ADH1C: variants seen among roughly 807,000 people sequenced by gnomAD.
ADH1C encodes alcohol dehydrogenase 1C.
ADH1C carries 26 observed loss-of-function variants against 35.0 expected under a neutral mutation model. The observed-to-expected ratio is 0.74, with a 90% CI of 0.54 to 1.03. The LOEUF (loss-of-function observed/expected upper bound fraction) is 1.03, where lower values mean the gene tolerates loss of function less well. ADH1C is among the 50% of genes least tolerant of loss of function. The probability of loss-of-function intolerance (pLI) is 0.00; values close to 1 mark genes in which losing one functional copy is unlikely to be tolerated. For synonymous variants in ADH1C, 170 were observed against 169.3 expected, an observed-to-expected ratio of 1.00 and a Z score of -0.03; for missense variants, 413 against 465.4, an observed-to-expected ratio of 0.89 and a Z score of 1.04.
Position 99,345,186 on chromosome 4 carries a change from T to C in ADH1C, c.340A>G (p.Lys114Glu). The C allele has an allele frequency of 6.2e-7, 1 of 1,614,006 alleles. No homozygotes were observed. Among genetic ancestry groups the C allele is most frequent in the Non-Finnish European group, 8.5e-7 (1 of 1,179,896 alleles). ...AAAGCATCAGAAACTTACTCATTTT[T>C]CAAGCAGTAGTTGCTTTCTGGGTTT... ...CKNPESNYCL[K>E]NDLGNPRGTL... Residue 114 changes from lysine (K) to glutamate (E), a missense_variant, in exon 4 of 9, where the codon AAA (lysine) becomes GAA (glutamate). Transcript: ENST00000515683.
chr4:99,342,118 A>G (rs1734430612), intron 6 of ADH1C, among the ~76,000 whole-genome samples: 1 of 152,234 alleles, frequency 6.6e-6, no homozygotes. Context: ...AAAGTATTTT[A>G]CATGCATTGT....
chr4:99,346,750 T>C (rs1200300452), intron 3 of ADH1C, among the ~76,000 whole-genome samples: 3 of 152,152 alleles, frequency 2.0e-5, no homozygotes, highest in Non-Finnish European at 4.4e-5. Flanking sequence ...GATCCTCATA[T>C]ATCTCCAGGC....
chr4:99,345,099 A>C lies in ADH1C; in HGVS notation c.348-18T>G, dbSNP rs79813519. ...TGCCTAGACTGGGCAGTGCAATACA[A>C]AGACACACAAAGGCATGAGACAGGA... is the stretch of plus-strand genomic sequence containing the variant. On this transcript the variant is annotated intron_variant, in intron 4 of 8. Coordinates refer to ENST00000515683, the MANE Select transcript of ADH1C (RefSeq NM_000669.5). 1.9e-5 allele frequency: 31 copies of C among 1,614,052 alleles called. No individual in the cohort carries two copies. Among genetic ancestry groups the C allele is most frequent in the South Asian group, 5.5e-5 (5 of 91,086 alleles).
In ADH1C at chr4:99,343,059, T is replaced by C. The variant is rs528054596; in HGVS notation, c.568-4A>G. ...CACAGGTAGACCCTGGGGTGACCTATGTTTTCAGAAAATGCAAAAATGAAT... is the reference window on the plus strand; with the variant it reads ...CACAGGTAGACCCTGGGGTGACCTACGTTTTCAGAAAATGCAAAAATGAAT... On this transcript the variant is annotated splice_region_variant and splice_polypyrimidine_tract_variant and intron_variant, in intron 5 of 8. Transcript: ENST00000515683. 1.9e-6 allele frequency: 3 copies of C among 1,606,328 alleles called. No homozygotes were observed. The highest frequency in any genetic ancestry group is 2.5e-6 in the Non-Finnish European group (3 of 1,176,976).
intron 6 of ADH1C, among the ~76,000 whole-genome samples, chr4:99,342,553 G>GT (rs1193090786): frequency 6.6e-6 from 1 of 152,084 alleles, no homozygotes; most frequent in Non-Finnish European, 1.5e-5. Context: ...TAGTGGCTGT[G>GT]TTAAAAAAAA....
chr4:99,338,919 G>GT (rs1734347956), intron 8 of ADH1C, among the ~76,000 whole-genome samples: 1 of 151,784 alleles, frequency 6.6e-6, no homozygotes, highest in South Asian at 2.1e-4. Flanking sequence ...TTAGGTGATT[G>GT]TAAGTGTAAG....
chr4:99,338,710 A>G (rs1322129031), intron 8 of ADH1C, among the ~76,000 whole-genome samples: 1 of 148,976 alleles, frequency 6.7e-6, no homozygotes, highest in African/African-American at 2.5e-5. Flanking sequence ...TCCTTCCTCA[A>G]GAATATTTGT....
chr4:99,347,218 T>C (rs1220400793), intron 2 of ADH1C, 74 bp from the exon 3 acceptor site: 1 of 1,524,936 alleles, frequency 6.6e-7, no homozygotes, highest in East Asian at 2.3e-5. Context: ...AACCCAATTT[T>C]CTAAAATTGT....
intron 6 of ADH1C, among the ~76,000 whole-genome samples, chr4:99,342,010 C>A (rs1237880679): frequency 3.6e-5 from 5 of 138,614 alleles, no homozygotes; most frequent in Non-Finnish European, 6.1e-5. Flanking sequence ...GACCCTGTCT[C>A]AAAAAAAAAA....
At chr4:99,347,968 T>C (rs1393622570) in intron 1 of ADH1C, 122 bp from the exon 2 acceptor site, 3 of 1,113,290 alleles carry the variant, frequency 2.7e-6, no homozygotes, top group Admixed American at 2.1e-5. Flanking sequence ...AAGTGTTGCA[T>C]AGAAATGAAG....
chr4:99,341,862 A>G (rs1025928668), intron 6 of ADH1C, among the ~76,000 whole-genome samples: 1 of 152,102 alleles, frequency 6.6e-6, no homozygotes, highest in African/African-American at 2.4e-5. Context: ...AATAATGCCA[A>G]CTGAGGCTCA....
chr4:99,336,575 A>G lies in ADH1C; in HGVS notation c.*177T>C. The G allele has an allele frequency of 1.2e-6, 1 of 810,932 alleles. No individual in the cohort carries two copies. The highest frequency in any genetic ancestry group is 2.0e-6 in the Non-Finnish European group (1 of 506,990). 50.2% of individuals were successfully genotyped at this position (810,932 alleles called of 1,614,324 possible). A position where few individuals can be genotyped will look rare whatever the true frequency, so the allele number is the denominator to read the frequency against. On this transcript the variant is annotated 3_prime_UTR_variant, in exon 9 of 9. Coordinates refer to ENST00000515683, the MANE Select transcript of ADH1C (RefSeq NM_000669.5). Reference sequence around the variant, plus strand: ...TTATTTAGTTCTCATTTGGATTTTAAACATTTGCTTGACAAATAATTTCCC... The same window carrying G: ...TTATTTAGTTCTCATTTGGATTTTAGACATTTGCTTGACAAATAATTTCCC...
intron 1 of ADH1C, chr4:99,351,103 T>C (rs545299017): frequency 6.6e-6 from 1 of 152,188 alleles, no homozygotes; most frequent in African/African-American, 2.4e-5. Flanking sequence ...ACCATTGCAC[T>C]CCAACCTGGG....
At chr4:99,337,452 A>G (rs1734303098) in intron 8 of ADH1C, among the ~76,000 whole-genome samples, 1 of 152,200 alleles carries the variant, frequency 6.6e-6, no homozygotes, top group South Asian at 2.1e-4. Flanking sequence ...GCTGATTTGT[A>G]TTAATTCTAA....
At position 99,345,243 on chromosome 4, in the gene ADH1C, T is replaced by G; in HGVS notation, c.283A>C (p.Thr95Pro). The change falls in exon 4 of 9, where the codon ACT becomes CCT. Residue 95 changes from threonine (T) to proline (P), a missense_variant. Thr to Pro is a conservative substitution (Grantham distance 38). Transcript: ENST00000515683. ...ATTCTGCATTTTCCACACTGAGGAGTAAAGAGCGGGATGACTTTATCACCT... is the reference window on the plus strand; with the variant it reads ...ATTCTGCATTTTCCACACTGAGGAGGAAAGAGCGGGATGACTTTATCACCT... ...KPGDKVIPLF[T>P]PQCGKCRICK... The G allele has an allele frequency of 1.9e-6, 3 of 1,613,924 alleles. No individual in the cohort carries two copies. Among genetic ancestry groups the G allele is most frequent in the Non-Finnish European group, 2.5e-6 (3 of 1,179,888 alleles).
At chr4:99,352,622 G>T (rs982236585) in intron 1 of ADH1C, 36 bp downstream of exon 1, 3 of 1,541,286 alleles carry the variant, frequency 1.9e-6, no homozygotes, top group East Asian at 2.2e-5. Flanking sequence ...ATATTGAAGA[G>T]AATATATTAT....
intron 1 of ADH1C, among the ~76,000 whole-genome samples, chr4:99,349,075 G>A (rs1193218412): frequency 2.8e-5 from 4 of 142,540 alleles, no homozygotes; most frequent in African/African-American, 1.0e-4. Context: ...CATTTTGTAG[G>A]TTGCCTTTTC....
At chr4:99,343,155 C>T in intron 5 of ADH1C, 100 bp from the exon 6 acceptor site, 1 of 1,482,666 alleles carries the variant, frequency 6.7e-7, no homozygotes, top group Non-Finnish European at 9.1e-7. Flanking sequence ...AAGAACTACT[C>T]AGACTCTTCT....
intron 3 of ADH1C, 101 bp from the exon 4 acceptor site, chr4:99,345,367 A>C: frequency 8.1e-7 from 1 of 1,228,006 alleles, no homozygotes. Flanking sequence ...TGTGTCTGAA[A>C]AGTTTCTAAG....
Sources: gnomAD v4.1 joint callset for allele counts (sites outside exome capture counted in the v4.1 genomes callset) on GRCh38, gnomAD v4.1.1 for gene constraint, MANE v1.5 for transcripts, NCBI Gene and HGNC (gene_info 2026-07-23, HGNC 2026-07-21) for gene names.